ANXA8: variants seen among roughly 807,000 people sequenced by gnomAD.
ANXA8 encodes annexin A8.
Under a neutral mutation model 26.8 loss-of-function variants are expected in ANXA8, and 9 were observed. The ratio of observed to expected loss-of-function variants is 0.34; its 90% CI spans 0.20 to 0.59. ANXA8 has a LOEUF of 0.59. ANXA8 is among the 20% of genes least tolerant of loss of function. The pLI is 0.84. For synonymous variants in ANXA8, 39 were observed against 94.8 expected (o/e 0.41, Z 3.42); for missense variants, 83 against 238.5 (o/e 0.35, Z 4.29).
chr10:47,625,848 T>C, the ANXA8 span, among the ~76,000 whole-genome samples: 1 of 150,860 alleles, frequency 6.6e-6, no homozygotes, highest in Non-Finnish European at 1.5e-5. Flanking sequence ...ACTGGAATTG[T>C]GTGTCTTTTG....
chr10:47,664,525 G>A, the ANXA8 span, among the ~76,000 whole-genome samples: 42 of 151,406 alleles, frequency 2.8e-4, no homozygotes, highest in Non-Finnish European at 4.3e-4. Flanking sequence ...CCGAGATCAC[G>A]CCACTGCACT....
the ANXA8 span, among the ~76,000 whole-genome samples, chr10:47,988,956 G>A: frequency 3.3e-5 from 5 of 151,622 alleles, no homozygotes; most frequent in South Asian, 2.1e-4. Flanking sequence ...GTGGAGTCAC[G>A]CTCTGCTATT....
At chr10:47,584,037 G>A in the ANXA8 span, among the ~76,000 whole-genome samples, 2 of 140,274 alleles carry the variant, frequency 1.4e-5, no homozygotes, top group South Asian at 2.3e-4. Context: ...AAAATTAGCC[G>A]AGTGTGGTGG....
the ANXA8 span, among the ~76,000 whole-genome samples, chr10:47,755,555 CTTTTTTTTTTTT>C: frequency 4.8e-5 from 4 of 83,000 alleles, no homozygotes; most frequent in Non-Finnish European, 9.0e-5. Context: ...GTGCCCGGCC[CTTTTTTTTTTTT>C]TTTTTTTTTT....
chr10:47,639,223 C>T, the ANXA8 span, among the ~76,000 whole-genome samples: 2 of 148,610 alleles, frequency 1.3e-5, no homozygotes, highest in Non-Finnish European at 3.0e-5. Flanking sequence ...AGCTCCGCCT[C>T]CCGGGTTCAC....
chr10:47,658,847 ATTATTTATTTATTTATTTAT>A, the ANXA8 span, among the ~76,000 whole-genome samples: 7 of 133,672 alleles, frequency 5.2e-5, no homozygotes, highest in African/African-American at 2.3e-4. Context: ...TTATTTATTT[ATTATTTATTTATTTATTTAT>A]TTATTTATTT....
chr10:47,546,055 A>G, the ANXA8 span, among the ~76,000 whole-genome samples: 1 of 89,822 alleles, frequency 1.1e-5, no homozygotes, highest in African/African-American at 4.0e-5. Flanking sequence ...CCTGGCCCTT[A>G]CCTAAGAAAT....
the ANXA8 span, among the ~76,000 whole-genome samples, chr10:47,682,469 CTTTTT>C: frequency 8.2e-6 from 1 of 121,652 alleles, no homozygotes; most frequent in Non-Finnish European, 1.7e-5. Context: ...CTTTCTTTTT[CTTTTT>C]TTTTTTTTTT....
the ANXA8 span, among the ~76,000 whole-genome samples, chr10:47,508,006 C>G: frequency 8.1e-6 from 1 of 122,880 alleles, no homozygotes; most frequent in African/African-American, 3.0e-5. Context: ...GCGATTCTCA[C>G]GCCTCAGCCT....
At chr10:47,743,118 C>T in the ANXA8 span, among the ~76,000 whole-genome samples, 2 of 139,992 alleles carry the variant, frequency 1.4e-5, no homozygotes, top group South Asian at 2.3e-4. Flanking sequence ...TTGTAGTGAG[C>T]CAAGATCAGG....
the ANXA8 span, among the ~76,000 whole-genome samples, chr10:47,720,310 A>G: frequency 4.2e-5 from 6 of 143,304 alleles, no homozygotes; most frequent in Non-Finnish European, 9.1e-5. Context: ...CAGCTGTACC[A>G]AAGAAACATT....
At chr10:47,659,852 G>A in the ANXA8 span, among the ~76,000 whole-genome samples, 2 of 151,494 alleles carry the variant, frequency 1.3e-5, no homozygotes, top group Admixed American at 1.3e-4. Flanking sequence ...CGCCTCCCAG[G>A]CTCAGGTGAT....
the ANXA8 span, among the ~76,000 whole-genome samples, chr10:47,666,949 T>C: frequency 3.3e-5 from 5 of 152,176 alleles, no homozygotes; most frequent in African/African-American, 1.2e-4. Context: ...TGTGTCCTTG[T>C]GACTAACTCA....
the ANXA8 span, among the ~76,000 whole-genome samples, chr10:47,492,622 G>C: frequency 1.4e-5 from 2 of 141,804 alleles, no homozygotes; most frequent in East Asian, 2.6e-4. Flanking sequence ...TGGGCATAGC[G>C]TGCCTTCTTG....
chr10:47,982,335 C>G, the ANXA8 span, among the ~76,000 whole-genome samples: 1 of 151,320 alleles, frequency 6.6e-6, no homozygotes, highest in African/African-American at 2.4e-5. Context: ...CCAAAGAAAA[C>G]CAAACTTACT....
the ANXA8 span, among the ~76,000 whole-genome samples, chr10:47,944,947 C>A: frequency 1.4e-5 from 2 of 147,642 alleles, no homozygotes; most frequent in African/African-American, 2.5e-5. Context: ...TGACTTCTTT[C>A]TTCCTTAAAC....
the ANXA8 span, among the ~76,000 whole-genome samples, chr10:47,891,593 GA>G: frequency 0.028 from 74 of 2,674 alleles, no homozygotes; most frequent in East Asian, 0.12. Context: ...CAAATAAATA[GA>G]AAAAAAAAAA....
chr10:47,944,611 G>A, the ANXA8 span, among the ~76,000 whole-genome samples: 11 of 150,462 alleles, frequency 7.3e-5, no homozygotes, highest in Non-Finnish European at 1.2e-4. Flanking sequence ...TACTGTTCTC[G>A]TGATGCTGAA....
At chr10:47,483,576 C>G (rs1839925544) in intron 1 of ANXA8, among the ~76,000 whole-genome samples, 1 of 140,754 alleles carries the variant, frequency 7.1e-6, no homozygotes, top group Non-Finnish European at 1.5e-5. Flanking sequence ...TACACATTTA[C>G]ACACAAGGCT....
Sources: gnomAD v4.1 joint callset for allele counts (sites outside exome capture counted in the v4.1 genomes callset) on GRCh38, gnomAD v4.1.1 for gene constraint, MANE v1.5 for transcripts, NCBI Gene and HGNC (gene_info 2026-07-23, HGNC 2026-07-21) for gene names.